The following ELMO2 variants were observed in gnomAD, a reference collection of about 807,000 sequenced individuals.
The protein encoded by ELMO2 is engulfment and cell motility 2.
In ELMO2, 37 loss-of-function variants were observed where a neutral mutation model predicts 96.2. That is an observed-to-expected ratio of 0.38 (90% CI 0.30 to 0.51). The LOEUF (loss-of-function observed/expected upper bound fraction) is 0.51. Ranked by LOEUF, ELMO2 falls within the 20% of genes least tolerant of loss-of-function variation. The pLI, the probability that ELMO2 is intolerant of heterozygous loss-of-function variation, is 0.88. For synonymous variants in ELMO2, 315 were observed against 329.4 expected (o/e 0.96, Z 0.47); for missense variants, 561 against 912.6 (o/e 0.61, Z 4.96).
At chr20:46,377,009 A>G in intron 11 of ELMO2, 1 of 351,836 alleles carries the variant, frequency 2.8e-6, no homozygotes, top group Non-Finnish European at 5.5e-6. Context: ...GTTCTACTGA[A>G]TAGCAATGCT....
intron 9 of ELMO2, 114 bp from the exon 10 acceptor site, chr20:46,383,608 G>T: frequency 9.6e-7 from 1 of 1,042,584 alleles, no homozygotes; most frequent in Non-Finnish European, 1.5e-6. Context: ...ATGATCTGGA[G>T]CTCAGTCTCA....
rs769349670 is a variant in ELMO2, at chr20:46,371,973, A to G, written c.1417-4T>C. ...GCTCTCGGACGACTTGCATAACCTA[A>G]GAGGAGAAGAACCCAGCCAACTCAC... On this transcript the variant is annotated splice_polypyrimidine_tract_variant and splice_region_variant and intron_variant, in intron 16 of 21. Transcript: ENST00000290246. This position sits in a 1 kb window ranked among gnomAD's most constrained non-coding sequence, Gnocchi z 5.9. The G allele has an allele frequency of 6.2e-7, 1 of 1,613,550 alleles. No homozygotes were observed. The highest frequency in any genetic ancestry group is 8.5e-7 in the Non-Finnish European group (1 of 1,179,978).
intron 13 of ELMO2, among the ~76,000 whole-genome samples, 165 bp from the exon 14 acceptor site, chr20:46,374,805 A>T (rs998762397): frequency 2.6e-5 from 4 of 152,098 alleles, no homozygotes; most frequent in Non-Finnish European, 5.9e-5. Context: ...TGAGCTCTTG[A>T]GTGCTGGACG....
chr20:46,381,937 C>T (rs1302926171), intron 10 of ELMO2, among the ~76,000 whole-genome samples: 2 of 152,162 alleles, frequency 1.3e-5, no homozygotes, highest in African/African-American at 4.8e-5. Flanking sequence ...GTCTGGTCTG[C>T]CCTAGTTGAA....
Position 46,386,219 on chromosome 20 carries a change from C to G in ELMO2, c.582G>C (p.Leu194=). Residue 194 remains leucine (L), a synonymous_variant, in exon 9 of 22, where the codon CTG becomes CTC. Coordinates refer to ENST00000290246, the MANE Select transcript of ELMO2 (RefSeq NM_133171.5). Reference sequence around the variant, plus strand: ...TCAAGACCATGCTCTCCAGGATGGCCAGGGACCTCTGAAGGATTGACACGT... The same window carrying G: ...TCAAGACCATGCTCTCCAGGATGGCGAGGGACCTCTGAAGGATTGACACGT... ...MVDVSILQRS[L]AILESMVLNS... 6.2e-7 allele frequency: 1 copy of G among 1,614,068 alleles called. No homozygotes were observed. Among genetic ancestry groups the G allele is most frequent in the Admixed American group, 1.7e-5 (1 of 60,024 alleles).
intron 2 of ELMO2, 109 bp from the exon 3 acceptor site, chr20:46,394,641 A>C: frequency 2.5e-6 from 2 of 796,774 alleles, no homozygotes; most frequent in South Asian, 3.5e-5. Context: ...TAACACATGA[A>C]ACTACCTGGT....
At chr20:46,393,648 C>G in intron 4 of ELMO2, 47 bp from the exon 5 acceptor site, 1 of 1,591,208 alleles carries the variant, frequency 6.3e-7, no homozygotes, top group Non-Finnish European at 8.6e-7. Flanking sequence ...CTCTCTTGTT[C>G]AGAAGCTGCT....
intron 1 of ELMO2, 80 bp from the exon 2 acceptor site, chr20:46,398,851 G>A (rs2060290289): frequency 6.6e-6 from 1 of 152,220 alleles, no homozygotes; most frequent in Non-Finnish European, 1.5e-5. Context: ...TCAGAACTGG[G>A]TCTCAAGCCT....
chr20:46,380,145 C>A, intron 11 of ELMO2, 108 bp downstream of exon 11: 1 of 946,564 alleles, frequency 1.1e-6, no homozygotes, highest in South Asian at 1.5e-5. Context: ...GATAAGGTTC[C>A]TCTGTGTGTC....
At chr20:46,393,636 C>T (rs756444011) in intron 4 of ELMO2, 35 bp from the exon 5 acceptor site, 2 of 1,606,698 alleles carry the variant, frequency 1.2e-6, no homozygotes, top group Admixed American at 3.3e-5. Flanking sequence ...CCCACTTGGC[C>T]ACTCTCTTGT....
chr20:46,372,004 T>C, intron 16 of ELMO2, 35 bp from the exon 17 acceptor site: 1 of 1,611,928 alleles, frequency 6.2e-7, no homozygotes, highest in South Asian at 1.1e-5. Flanking sequence ...CTCACACCAC[T>C]ACTCTTGAGA....
At chr20:46,396,932 T>C (rs2060253612) in intron 2 of ELMO2, among the ~76,000 whole-genome samples, 1 of 152,214 alleles carries the variant, frequency 6.6e-6, no homozygotes, top group Non-Finnish European at 1.5e-5. Context: ...CAAGTGAGGA[T>C]GCCCATTTTA....
intron 21 of ELMO2, 132 bp from the exon 22 acceptor site, chr20:46,367,692 A>T: frequency 1.9e-6 from 1 of 530,202 alleles, no homozygotes; most frequent in Non-Finnish European, 3.1e-6. Flanking sequence ...ACTGATTTGG[A>T]ATGATAGCAA....
Position 46,381,691 on chromosome 20 carries a change from C to T in ELMO2, c.757-1388G>A, listed in dbSNP as rs560496736. On this transcript the variant is annotated intron_variant, in intron 10 of 21. Coordinates refer to ENST00000290246, the MANE Select transcript of ELMO2 (RefSeq NM_133171.5). ...TAGACCAAAAGCTTCTCTGTGGTGT[C>T]AGGGGGAGGCACTTATCCCCTTTCA... 2.0e-5 allele frequency among the ~76,000 whole-genome samples: 3 copies of T among 152,288 alleles called. No individual in the cohort carries two copies. In the East Asian group the frequency reaches 5.8e-4, roughly 29 times the overall value.
At chr20:46,368,580 G>C (rs1383228370) in intron 21 of ELMO2, among the ~76,000 whole-genome samples, 2 of 152,178 alleles carry the variant, frequency 1.3e-5, no homozygotes, top group Non-Finnish European at 2.9e-5. Context: ...AATGTGGAGA[G>C]CCCAGCTCAC....
chr20:46,388,856 C>T (rs1230022986), intron 7 of ELMO2, among the ~76,000 whole-genome samples, 183 bp downstream of exon 7: 3 of 152,140 alleles, frequency 2.0e-5, no homozygotes, highest in African/African-American at 7.2e-5. Flanking sequence ...ATAGACTACA[C>T]GATTTAGAAT....
chr20:46,373,054 C>T (rs947055408), intron 16 of ELMO2: 1 of 219,310 alleles, frequency 4.6e-6, no homozygotes, highest in Non-Finnish European at 9.2e-6. Context: ...CCTAACCTTC[C>T]CAGTTCACAA....
Position 46,375,937 on chromosome 20 carries a change from G to A in ELMO2, c.808-147C>T. ...AGGACTTCATATTCTAGAAGGCGAT[G>A]GAGCATGAATGGGCTTGGTTCAGGC... On this transcript the variant is annotated intron_variant, in intron 11 of 21. Coordinates refer to ENST00000290246, the MANE Select transcript of ELMO2 (RefSeq NM_133171.5). This position sits in a 1 kb window ranked among gnomAD's most constrained non-coding sequence, Gnocchi z 4.6. 3 of 1,156,382 alleles carry A rather than the reference G, an allele frequency of 2.6e-6. No homozygotes were observed. Among genetic ancestry groups the A allele is most frequent in the Non-Finnish European group, 3.6e-6 (3 of 835,432 alleles). 71.6% of individuals were successfully genotyped at this position (1,156,382 alleles called of 1,614,324 possible). A position where few individuals can be genotyped will look rare whatever the true frequency, so the allele number is the denominator to read the frequency against.
At chr20:46,376,105 A>G (rs1468281233) in intron 11 of ELMO2, among the ~76,000 whole-genome samples, 2 of 152,194 alleles carry the variant, frequency 1.3e-5, no homozygotes, top group Non-Finnish European at 2.9e-5. Context: ...GATACAGAAC[A>G]TTGGGGGCTG....
Sources: allele counts gnomAD v4.1 joint callset (sites outside exome capture counted in the v4.1 genomes callset), GRCh38; gene constraint gnomAD v4.1.1; non-coding constraint Gnocchi (gnomAD v3.1); transcripts MANE v1.5; gene names NCBI Gene and HGNC (gene_info 2026-07-23, HGNC 2026-07-21).